The following PCDHGB6 variants were observed in gnomAD, a reference collection of about 807,000 sequenced individuals.
PCDHGB6 encodes protocadherin gamma subfamily B, 6, also known as protocadherin gamma-B6.
PCDHGB6 carries 51 observed loss-of-function variants against 59.1 expected under a neutral mutation model. The ratio of observed to expected loss-of-function variants is 0.86; its 90% CI spans 0.69 to 1.09. PCDHGB6 has a LOEUF of 1.09. Among genes scored for constraint, PCDHGB6 ranks in the 50% least tolerant of loss-of-function variants. The probability of loss-of-function intolerance (pLI) is 0.00; values close to 1 mark genes in which losing one functional copy is unlikely to be tolerated. For missense variants in PCDHGB6, 1,148 were observed against 1,205.1 expected (o/e 0.95, Z 0.70); for synonymous variants, 466 against 495.1 (o/e 0.94, Z 0.78).
At chr5:141,441,849 G>A (rs1192040398) in intron 1 of PCDHGB6, 2 of 345,448 alleles carry the variant, frequency 5.8e-6, no homozygotes, top group Non-Finnish European at 1.1e-5. Context: ...TCTTGGATAT[G>A]GTGCTGCACG....
intron 1 of PCDHGB6, among the ~76,000 whole-genome samples, chr5:141,482,899 T>C (rs1238389686): frequency 1.3e-5 from 2 of 152,076 alleles, no homozygotes; most frequent in Non-Finnish European, 2.9e-5. Context: ...TGGTGAAACC[T>C]CATCTCTATT....
Position 141,490,982 on chromosome 5 carries a change from G to A in PCDHGB6, c.2419-3825G>A, listed in dbSNP as rs964673026. 5 of 1,613,994 alleles carry A rather than the reference G, an allele frequency of 3.1e-6. No homozygotes were observed. Among genetic ancestry groups the A allele is most frequent in the Admixed American group, 1.7e-5 (1 of 60,020 alleles). On this transcript the variant is annotated intron_variant, in intron 1 of 3. Coordinates refer to ENST00000520790, the MANE Select transcript of PCDHGB6 (RefSeq NM_018926.3). This position sits in a 1 kb window ranked among gnomAD's most constrained non-coding sequence, Gnocchi z 5.4. The stretch of plus-strand genomic sequence containing the variant: ...CACTCAGCCCCCCAGCGTCTCCCTC[G>A]CTCTGCTCCTCCTGGCTCCTTGGTC...
rs757308340 is a variant in PCDHGB6, at chr5:141,487,575, G to A, written c.2419-7232G>A. ...GCACCTATGGCAGGGGAGCCTGTTC[G>A]CCCAAGCTGCCCACCCTCTGATCTT... On this transcript the variant is annotated intron_variant, in intron 1 of 3. Coordinates refer to ENST00000520790, the MANE Select transcript of PCDHGB6 (RefSeq NM_018926.3). This position sits in a 1 kb window ranked among gnomAD's most constrained non-coding sequence, Gnocchi z 5.0. The A allele has an allele frequency of 3.1e-6, 5 of 1,614,018 alleles. No homozygotes were observed. In the African/African-American group the frequency reaches 4.0e-5, roughly 13 times the overall value.
In PCDHGB6 at chr5:141,511,539, C is replaced by CGAGAT; in HGVS notation, c.*366_*367insGAGAT. 3.0e-6 allele frequency: 1 copy of CGAGAT among 328,342 alleles called. No individual in the cohort carries two copies. Among genetic ancestry groups the CGAGAT allele is most frequent in the South Asian group, 3.2e-5 (1 of 31,708 alleles). 20.3% of individuals were successfully genotyped at this position (328,342 alleles called of 1,614,324 possible). On this transcript the variant is annotated 3_prime_UTR_variant, in exon 4 of 4. Transcript: ENST00000520790. ...CATCCCATGCCTCCCTCCTCCCCAC[C>CGAGAT]CCACTCCAACAGTTCCTCTTTCCCG...
Position 141,485,411 on chromosome 5 carries a change from G to C in PCDHGB6, c.2419-9396G>C, listed in dbSNP as rs1412397411. On this transcript the variant is annotated intron_variant, in intron 1 of 3. Coordinates refer to ENST00000520790, the MANE Select transcript of PCDHGB6 (RefSeq NM_018926.3). This position sits in a 1 kb window ranked among gnomAD's most constrained non-coding sequence, Gnocchi z 5.7. The stretch of plus-strand genomic sequence containing the variant: ...CCAAAGACACTTCCGTGTGGATTTG[G>C]ACAGCGGAGCCCTGCTCATCAAGAA... The C allele has an allele frequency of 2.5e-6, 4 of 1,614,054 alleles. No homozygotes were observed. Among genetic ancestry groups the C allele is most frequent in the Non-Finnish European group, 3.4e-6 (4 of 1,180,044 alleles).
chr5:141,415,332 G>A (rs758125316), intron 1 of PCDHGB6: 1 of 1,614,214 alleles, frequency 6.2e-7, no homozygotes, highest in South Asian at 1.1e-5. Context: ...TGGCGCACAG[G>A]CTGCGGCGCT....
chr5:141,438,627 T>C (rs55817844), intron 1 of PCDHGB6, among the ~76,000 whole-genome samples: 510 of 47,978 alleles, frequency 0.011, 3 homozygotes, highest in Admixed American at 0.017. Context: ...TATATATATA[T>C]ATATATATAC....
intron 1 of PCDHGB6, among the ~76,000 whole-genome samples, chr5:141,459,334 A>G (rs987526492): frequency 5.9e-5 from 9 of 152,116 alleles, no homozygotes; most frequent in Admixed American, 1.3e-4. Flanking sequence ...TTTTACTCCA[A>G]AGTTCTTGAA....
At chr5:141,429,945 T>C (rs1443623730) in intron 1 of PCDHGB6, among the ~76,000 whole-genome samples, 1 of 152,222 alleles carries the variant, frequency 6.6e-6, no homozygotes, top group East Asian at 1.9e-4. Flanking sequence ...ACTTCCATTA[T>C]TTCCAGTCAA....
Position 141,489,169 on chromosome 5 carries a change from C to T in PCDHGB6, c.2419-5638C>T. On this transcript the variant is annotated intron_variant, in intron 1 of 3. Coordinates refer to ENST00000520790, the MANE Select transcript of PCDHGB6 (RefSeq NM_018926.3). This position sits in a 1 kb window ranked among gnomAD's most constrained non-coding sequence, Gnocchi z 4.5. ...GAGACATAAGAGACTTCAGCTGCTG[C>T]ATTCCAAGCCCTGGGTCTACCTTGG... 3 of 1,124,648 alleles carry T rather than the reference C, an allele frequency of 2.7e-6. No individual in the cohort carries two copies. The highest frequency in any genetic ancestry group is 3.8e-6 in the Non-Finnish European group (3 of 783,910). The allele number at this position is 1,124,648 out of a possible 1,614,324, so 69.7% of individuals were successfully genotyped here. A position where few individuals can be genotyped will look rare whatever the true frequency, so the allele number is the denominator to read the frequency against.
rs2099413746 is a variant in PCDHGB6, at chr5:141,477,589, G to A, written c.2419-17218G>A. ...ACCCCGACGCCCCGCAGAATGCTCGGCTTTCTTTCTTTCTCTTGGAGCAAG... is the reference window on the plus strand; with the variant it reads ...ACCCCGACGCCCCGCAGAATGCTCGACTTTCTTTCTTTCTCTTGGAGCAAG... On this transcript the variant is annotated intron_variant, in intron 1 of 3. Transcript: ENST00000520790. The surrounding 1 kb of genome is among the most constrained non-coding windows in gnomAD (Gnocchi z 4.9). 1 of 1,614,012 alleles carries A rather than the reference G, an allele frequency of 6.2e-7. No individual in the cohort carries two copies. The highest frequency in any genetic ancestry group is 1.1e-5 in the South Asian group (1 of 91,090).
At chr5:141,425,296 T>A (rs1283179158) in intron 1 of PCDHGB6, among the ~76,000 whole-genome samples, 1 of 152,194 alleles carries the variant, frequency 6.6e-6, no homozygotes, top group Non-Finnish European at 1.5e-5. Flanking sequence ...TAAAACCTCA[T>A]CTAAACTAAC....
chr5:141,466,494 G>C (rs1186331329), intron 1 of PCDHGB6, among the ~76,000 whole-genome samples: 4 of 152,134 alleles, frequency 2.6e-5, no homozygotes. Context: ...TCTTTAATTA[G>C]AGCACAGACA....
Position 141,485,790 on chromosome 5 carries a change from C to G in PCDHGB6, c.2419-9017C>G. 6.2e-7 allele frequency: 1 copy of G among 1,614,204 alleles called. No homozygotes were observed. The highest frequency in any genetic ancestry group is 8.5e-7 in the Non-Finnish European group (1 of 1,180,032). ...AAGCCTTTGGATCGAGAGAAGCAAT[C>G]GGACTACCGCCTGGTGCTGACTGCT... On this transcript the variant is annotated intron_variant, in intron 1 of 3. Transcript: ENST00000520790. This position sits in a 1 kb window ranked among gnomAD's most constrained non-coding sequence, Gnocchi z 5.7.
In PCDHGB6 at chr5:141,487,762, T is replaced by C; in HGVS notation, c.2419-7045T>C. 6.5e-7 allele frequency: 1 copy of C among 1,545,432 alleles called. No homozygotes were observed. The highest frequency in any genetic ancestry group is 8.8e-7 in the Non-Finnish European group (1 of 1,142,332). ...TAAGAGGTAACTATGTGGTAGACGC[T>C]GTGCTTTGTAACTGTTTCGTGAATT... On this transcript the variant is annotated intron_variant, in intron 1 of 3. Coordinates refer to ENST00000520790, the MANE Select transcript of PCDHGB6 (RefSeq NM_018926.3). The surrounding 1 kb of genome is among the most constrained non-coding windows in gnomAD (Gnocchi z 5.0).
At chr5:141,494,075 C>T (rs1482844644) in intron 1 of PCDHGB6, among the ~76,000 whole-genome samples, 7 of 152,322 alleles carry the variant, frequency 4.6e-5, no homozygotes, top group East Asian at 1.9e-4. Context: ...GATCCCTCCC[C>T]GCTGCATCCC....
chr5:141,426,523 G>A (rs1018320941), intron 1 of PCDHGB6: 14 of 342,474 alleles, frequency 4.1e-5, no homozygotes, highest in African/African-American at 3.0e-4. Flanking sequence ...CGTGAACACG[G>A]AGAATGGGAA....
chr5:141,409,850 G>A lies in PCDHGB6; in HGVS notation c.1648G>A (p.Val550Met). ...GCTCAGCGCCAACGTGAGCCTGCGC[G>A]TGTTGGTGGGAGACCGCAATGACAA... The part of the protein sequence containing the change: ...PTLSANVSLR[V>M]LVGDRNDNAP... Residue 550 changes from valine to methionine, a missense_variant, in exon 1 of 4, where the codon GTG becomes ATG. Val to Met is a conservative substitution (Grantham distance 21). Transcript: ENST00000520790. 6.2e-7 allele frequency: 1 copy of A among 1,612,142 alleles called. No individual in the cohort carries two copies. Among genetic ancestry groups the A allele is most frequent in the African/African-American group, 1.3e-5 (1 of 75,014 alleles).
At position 141,486,960 on chromosome 5, in the gene PCDHGB6, T is replaced by C; in HGVS notation, c.2419-7847T>C. On this transcript the variant is annotated intron_variant, in intron 1 of 3. Transcript: ENST00000520790. The surrounding 1 kb of genome is among the most constrained non-coding windows in gnomAD (Gnocchi z 5.0). Reference sequence around the variant, plus strand: ...CACCTAATCACAAAGGTGACTGCTGTGGACTTGGATTCAGGTTACAATGCT... The same window carrying C: ...CACCTAATCACAAAGGTGACTGCTGCGGACTTGGATTCAGGTTACAATGCT... The C allele has an allele frequency of 6.2e-7, 1 of 1,614,228 alleles. No individual in the cohort carries two copies. Among genetic ancestry groups the C allele is most frequent in the Non-Finnish European group, 8.5e-7 (1 of 1,180,034 alleles).
Sources: allele counts gnomAD v4.1 joint callset (sites outside exome capture counted in the v4.1 genomes callset), GRCh38; gene constraint gnomAD v4.1.1; non-coding constraint Gnocchi (gnomAD v3.1); transcripts MANE v1.5; gene names NCBI Gene and HGNC (gene_info 2026-07-23, HGNC 2026-07-21).